The following CDH18 variants were observed in gnomAD, a reference collection of about 807,000 sequenced individuals.
The protein encoded by CDH18 is cadherin-18.
CDH18 carries 31 observed loss-of-function variants against 67.9 expected under a neutral mutation model. The ratio of observed to expected loss-of-function variants is 0.46; its 90% CI spans 0.34 to 0.62. The LOEUF is 0.62. Among genes scored for constraint, CDH18 ranks in the 20% least tolerant of loss-of-function variants. The probability of loss-of-function intolerance (pLI) is 0.01; values close to 1 mark genes in which losing one functional copy is unlikely to be tolerated. For synonymous variants in CDH18, 362 were observed against 347.2 expected (o/e 1.04, Z -0.48); for missense variants, 890 against 975.5 (o/e 0.91, Z 1.17).
chr5:20,497,891 T>G (rs1754006492), intron 1 of CDH18, among the ~76,000 whole-genome samples: 1 of 152,088 alleles, frequency 6.6e-6, no homozygotes, highest in Non-Finnish European at 1.5e-5. Flanking sequence ...AGGTGAGGAC[T>G]TCGTGAGGTA....
chr5:19,891,114 C>T (rs2150083772), intron 2 of CDH18, among the ~76,000 whole-genome samples: 1 of 152,200 alleles, frequency 6.6e-6, no homozygotes, highest in Admixed American at 6.5e-5. Flanking sequence ...GCTTGGTCTG[C>T]TCTCTGTATC....
At chr5:19,656,033 C>G (rs1181077360) in intron 5 of CDH18, among the ~76,000 whole-genome samples, 2 of 133,948 alleles carry the variant, frequency 1.5e-5, no homozygotes, top group African/African-American at 5.5e-5. Context: ...TCTTGCCACA[C>G]TAATGTAAGG....
intron 3 of CDH18, among the ~76,000 whole-genome samples, chr5:19,791,862 T>C (rs1776395527): frequency 1.3e-5 from 2 of 152,348 alleles, no homozygotes; most frequent in African/African-American, 4.8e-5. Flanking sequence ...GTCAATTCTC[T>C]GAAAAATTCA....
chr5:20,173,759 A>C (rs1247991065), intron 2 of CDH18, among the ~76,000 whole-genome samples: 2 of 152,196 alleles, frequency 1.3e-5, no homozygotes, highest in Admixed American at 6.5e-5. Context: ...GAGCATATGT[A>C]ATAAATTTAA....
In CDH18 at chr5:19,747,214, C is replaced by A; in HGVS notation, c.251G>T (p.Gly84Val). ...AAGGATGTACTTGACAGATCCATCA[C>A]CTTTGTCAGAATTGGAGTGCAGCTG... is the stretch of plus-strand genomic sequence containing the variant. ...VGKLHSNSDK[G>V]DGSVKYILTG... The change falls in exon 4 of 13, where the codon GGT becomes GTT. Residue 84 changes from glycine (G) to valine (V), a missense_variant. Transcript: ENST00000382275. The A allele has an allele frequency of 6.2e-7, 1 of 1,613,672 alleles. No homozygotes were observed. The highest frequency in any genetic ancestry group is 8.5e-7 in the Non-Finnish European group (1 of 1,179,666).
At chr5:20,052,708 G>A (rs1449018697) in intron 2 of CDH18, among the ~76,000 whole-genome samples, 1 of 151,998 alleles carries the variant, frequency 6.6e-6, no homozygotes, top group Non-Finnish European at 1.5e-5. Context: ...CTTATTAAAT[G>A]TATTATTTGG....
chr5:19,603,538 C>CA lies in CDH18; in HGVS notation c.811+8895dup, dbSNP rs1298479625. ...TATTATTGTATATATTTTTTAACTA[C>CA]AAAAAATAAAATCAAAATGAGAACA... is the stretch of plus-strand genomic sequence containing the variant. On this transcript the variant is annotated intron_variant, in intron 6 of 12. Transcript: ENST00000382275. Among the ~76,000 whole-genome samples, 7 of 151,392 alleles carry CA rather than the reference C, an allele frequency of 4.6e-5. No homozygotes were observed. In the East Asian group the frequency reaches 1.4e-3, roughly 29 times the overall value.
At chr5:20,271,969 AG>A (rs1182217410) in intron 1 of CDH18, among the ~76,000 whole-genome samples, 1 of 150,386 alleles carries the variant, frequency 6.6e-6, no homozygotes, top group South Asian at 2.1e-4. Context: ...TTAAGTTTGT[AG>A]GTATTAGCTG....
intron 1 of CDH18, among the ~76,000 whole-genome samples, chr5:20,463,318 C>T (rs1456864994): frequency 2.0e-5 from 3 of 151,462 alleles, no homozygotes; most frequent in Non-Finnish European, 4.4e-5. Context: ...AAAAAAGAGA[C>T]AACTGACAAG....
At chr5:20,382,051 T>C (rs1355143822) in intron 1 of CDH18, among the ~76,000 whole-genome samples, 2 of 152,150 alleles carry the variant, frequency 1.3e-5, no homozygotes, top group African/African-American at 4.8e-5. Flanking sequence ...TAAAATAAAA[T>C]ATGTAGTATT....
chr5:19,901,463 A>G (rs953717218), intron 2 of CDH18, among the ~76,000 whole-genome samples: 4 of 152,094 alleles, frequency 2.6e-5, no homozygotes, highest in African/African-American at 9.7e-5. Flanking sequence ...CATTAATTAC[A>G]TTGGAAGCAA....
At chr5:19,498,919 C>A (rs1023811756) in intron 11 of CDH18, among the ~76,000 whole-genome samples, 3 of 152,164 alleles carry the variant, frequency 2.0e-5, no homozygotes, top group African/African-American at 7.2e-5. Context: ...ATTCCCCATT[C>A]CAGGACAGAC....
chr5:20,467,313 A>G (rs1251984840), intron 1 of CDH18, among the ~76,000 whole-genome samples: 1 of 145,224 alleles, frequency 6.9e-6, no homozygotes, highest in East Asian at 2.0e-4. Context: ...TTATATATAT[A>G]AAAAAGGACT....
At chr5:19,476,704 C>T (rs961440087) in intron 12 of CDH18, among the ~76,000 whole-genome samples, 2 of 151,990 alleles carry the variant, frequency 1.3e-5, no homozygotes, top group Non-Finnish European at 2.9e-5. Context: ...CAATTTCTTA[C>T]CTTCACCAAT....
chr5:20,356,719 GTCTC>G (rs199599355), intron 1 of CDH18, among the ~76,000 whole-genome samples: 3,741 of 129,868 alleles, frequency 0.029, 114 homozygotes, highest in African/African-American at 0.076. Context: ...ATATACCAAG[GTCTC>G]TCTCTCTCTC....
intron 2 of CDH18, among the ~76,000 whole-genome samples, chr5:20,200,512 AAAAAAGTAT>A (rs2126752716): frequency 6.6e-6 from 1 of 152,056 alleles, no homozygotes; most frequent in Admixed American, 6.6e-5. Flanking sequence ...TATCTCTACA[AAAAAAGTAT>A]AAAAATTAGC....
At chr5:19,647,181 C>T (rs764199769) in intron 5 of CDH18, among the ~76,000 whole-genome samples, 21 of 151,810 alleles carry the variant, frequency 1.4e-4, no homozygotes, top group Non-Finnish European at 2.2e-4. Flanking sequence ...GCAAGAAATG[C>T]AAAATTTTGG....
chr5:20,403,034 A>AG (rs397786771), intron 1 of CDH18, among the ~76,000 whole-genome samples: 11 of 148,686 alleles, frequency 7.4e-5, no homozygotes, highest in African/African-American at 2.7e-4. Context: ...AAAAAAAAAA[A>AG]TAGCGAGGTG....
In CDH18 at chr5:19,724,834, T is replaced by C. The variant is rs115388571; in HGVS notation, c.524-3368A>G. Among the ~76,000 whole-genome samples the C allele has an allele frequency of 2.8e-3, 428 of 152,134 alleles. 1 individual carries two copies. The highest frequency in any genetic ancestry group is 1.0e-2 in the African/African-American group (414 of 41,500). On this transcript the variant is annotated intron_variant, in intron 4 of 12. Transcript: ENST00000382275. The stretch of plus-strand genomic sequence containing the variant: ...CGCTAACCTTTCTGGCTTGATTAAA[T>C]CAGTTCCCACCACAAACTGTCCTGA...
Sources: gnomAD v4.1 joint callset for allele counts (sites outside exome capture counted in the v4.1 genomes callset) on GRCh38, gnomAD v4.1.1 for gene constraint, MANE v1.5 for transcripts, NCBI Gene and HGNC (gene_info 2026-07-23, HGNC 2026-07-21) for gene names.